The following SH3RF2 variants were observed in gnomAD, a reference collection of about 807,000 sequenced individuals.
SH3RF2 encodes the protein SH3 domain containing ring finger 2.
SH3RF2 carries 43 observed loss-of-function variants against 59.0 expected under a neutral mutation model. The ratio of observed to expected loss-of-function variants is 0.73; its 90% CI spans 0.57 to 0.94. SH3RF2 has a LOEUF of 0.94. SH3RF2 is among the 40% of genes least tolerant of loss of function. SH3RF2 has a pLI of 0.00. For missense variants in SH3RF2, 930 were observed against 940.1 expected (o/e 0.99, Z 0.14); for synonymous variants, 391 against 391.5 (o/e 1.00, Z 0.01).
intron 9 of SH3RF2, among the ~76,000 whole-genome samples, chr5:146,075,225 G>A (rs1056979962): frequency 6.6e-6 from 1 of 152,170 alleles, no homozygotes; most frequent in African/African-American, 2.4e-5. Flanking sequence ...ATATCCTTCA[G>A]GAGGTCTTTT....
At chr5:146,051,520 C>T (rs187829323) in intron 7 of SH3RF2, among the ~76,000 whole-genome samples, 141 of 152,234 alleles carry the variant, frequency 9.3e-4, no homozygotes, top group Admixed American at 1.6e-3. Context: ...ACATCTTAGA[C>T]AACAGGGTTT....
chr5:146,008,658 A>G (rs1469769002), intron 4 of SH3RF2, among the ~76,000 whole-genome samples: 1 of 152,122 alleles, frequency 6.6e-6, no homozygotes, highest in Non-Finnish European at 1.5e-5. Flanking sequence ...AGTAAAATTT[A>G]CTCTTTTTAA....
intron 2 of SH3RF2, among the ~76,000 whole-genome samples, chr5:145,955,233 A>G (rs1758347970): frequency 6.6e-6 from 1 of 152,240 alleles, no homozygotes. Flanking sequence ...CAGTTGGGGA[A>G]CAAAATCATG....
intron 2 of SH3RF2, among the ~76,000 whole-genome samples, chr5:145,954,214 C>A (rs1437220218): frequency 6.6e-6 from 1 of 152,190 alleles, no homozygotes; most frequent in African/African-American, 2.4e-5. Flanking sequence ...ACCTCGCAAG[C>A]ATCTGTTATT....
At chr5:146,007,602 T>G (rs1189856018) in intron 4 of SH3RF2, among the ~76,000 whole-genome samples, 1 of 152,096 alleles carries the variant, frequency 6.6e-6, no homozygotes, top group South Asian at 2.1e-4. Context: ...AAGTCTGGGC[T>G]GGGGGGGAAG....
chr5:146,024,731 G>C (rs192752236), intron 5 of SH3RF2, among the ~76,000 whole-genome samples: 2 of 152,286 alleles, frequency 1.3e-5, no homozygotes, highest in Admixed American at 1.3e-4. Context: ...TTCTATGTAT[G>C]TTGTGAGATA....
At chr5:146,021,684 A>G (rs1462534124) in intron 5 of SH3RF2, among the ~76,000 whole-genome samples, 1 of 152,240 alleles carries the variant, frequency 6.6e-6, no homozygotes, top group Non-Finnish European at 1.5e-5. Context: ...GCTGAAAGCA[A>G]GAAAGGACCA....
chr5:146,009,385 C>CT (rs1760784004), intron 4 of SH3RF2, among the ~76,000 whole-genome samples: 1 of 152,042 alleles, frequency 6.6e-6, no homozygotes, highest in Non-Finnish European at 1.5e-5. Context: ...CTGTTCCAGC[C>CT]TTCTCTCTGT....
At chr5:145,981,570 C>T (rs748576070) in intron 2 of SH3RF2, among the ~76,000 whole-genome samples, 2 of 152,256 alleles carry the variant, frequency 1.3e-5, no homozygotes, top group African/African-American at 2.4e-5. Context: ...TCATTTGCCT[C>T]GTAGTTTCCC....
At chr5:145,976,479 C>T (rs886949) in intron 2 of SH3RF2, among the ~76,000 whole-genome samples, 53,931 of 150,708 alleles carry the variant, frequency 0.36, 11,189 homozygotes, top group African/African-American at 0.57. Context: ...GTTTTGGAAA[C>T]GCACTTGCCT....
At chr5:146,047,476 G>C (rs1437194323) in intron 5 of SH3RF2, among the ~76,000 whole-genome samples, 1 of 152,054 alleles carries the variant, frequency 6.6e-6, no homozygotes, top group Admixed American at 6.5e-5. Context: ...ACAGGAGGAG[G>C]AGCCTGTGTA....
At chr5:146,065,259 T>C (rs768666905), downstream of SH3RF2, among the ~76,000 whole-genome samples, 3 of 152,176 alleles carry the variant, frequency 2.0e-5, no homozygotes, top group Admixed American at 6.5e-5. Flanking sequence ...CATGCCTCAT[T>C]GAACTAAATA....
intron 2 of SH3RF2, among the ~76,000 whole-genome samples, chr5:145,972,508 G>T (rs747927828): frequency 1.3e-5 from 2 of 152,132 alleles, no homozygotes; most frequent in Non-Finnish European, 2.9e-5. Flanking sequence ...TACTTGCTCT[G>T]CTCCCCATAG....
intron 5 of SH3RF2, among the ~76,000 whole-genome samples, chr5:146,045,165 T>C (rs1020329234): frequency 1.3e-5 from 2 of 152,186 alleles, no homozygotes; most frequent in South Asian, 4.1e-4. Context: ...TCCCCAATCA[T>C]AGGCAAGGAG....
At chr5:146,014,091 C>A in intron 5 of SH3RF2, 30 bp downstream of exon 5, 2 of 1,603,564 alleles carry the variant, frequency 1.2e-6, no homozygotes, top group Non-Finnish European at 1.7e-6. Flanking sequence ...GATGAGGGCA[C>A]TTTGGAGTTG....
chr5:146,066,608 C>T (rs1561774630), downstream of SH3RF2, among the ~76,000 whole-genome samples: 2 of 152,120 alleles, frequency 1.3e-5, no homozygotes. Context: ...GGAAGTAGAA[C>T]ACAGTCTAAG....
intron 2 of SH3RF2, among the ~76,000 whole-genome samples, chr5:145,966,197 G>C (rs1470707132): frequency 6.6e-6 from 1 of 152,184 alleles, no homozygotes; most frequent in Admixed American, 6.5e-5. Context: ...AAAGATCAAA[G>C]ATCATTCTGG....
chr5:146,069,672 C>G (rs1231312918), intron 9 of SH3RF2, among the ~76,000 whole-genome samples: 1 of 152,180 alleles, frequency 6.6e-6, no homozygotes, highest in Admixed American at 6.5e-5. Context: ...AGCCCCGGCT[C>G]AAGTGATTCT....
intron 2 of SH3RF2, among the ~76,000 whole-genome samples, chr5:145,951,650 C>G (rs556730912): frequency 3.4e-4 from 52 of 152,262 alleles, no homozygotes; most frequent in African/African-American, 1.2e-3. Context: ...CATACTATTT[C>G]CTCCACCTCT....
Sources: gnomAD v4.1 joint callset for allele counts (sites outside exome capture counted in the v4.1 genomes callset) on GRCh38, gnomAD v4.1.1 for gene constraint, MANE v1.5 for transcripts, NCBI Gene and HGNC (gene_info 2026-07-23, HGNC 2026-07-21) for gene names.